The following CNKSR2 variants were observed in gnomAD, a reference collection of about 807,000 sequenced individuals.
CNKSR2 encodes the protein CNK homolog protein 2.
A neutral mutation model predicts 84.4 loss-of-function variants in CNKSR2; 14 were observed. The observed-to-expected ratio is 0.17, with a 90% CI of 0.11 to 0.26. The LOEUF (loss-of-function observed/expected upper bound fraction) is 0.26, where lower values mean the gene tolerates loss of function less well. Ranked by LOEUF, CNKSR2 falls within the 10% of genes least tolerant of loss-of-function variation. The probability of loss-of-function intolerance (pLI) is 1.00; values close to 1 mark genes in which losing one functional copy is unlikely to be tolerated. For synonymous variants in CNKSR2, 275 were observed against 277.9 expected, an observed-to-expected ratio of 0.99 and a Z score of 0.10; for missense variants, 485 against 771.2, an observed-to-expected ratio of 0.63 and a Z score of 4.40.
intron 4 of CNKSR2, among the ~76,000 whole-genome samples, chrX:21,459,135 G>A (rs2091029914): frequency 9.6e-6 from 1 of 104,574 alleles, no homozygotes; most frequent in African/African-American, 3.5e-5. Flanking sequence ...TGATTCTCCT[G>A]CCTCAGCCTC....
chrX:21,502,288 A>G (rs1485537066), intron 8 of CNKSR2, among the ~76,000 whole-genome samples: 1 of 103,530 alleles, frequency 9.7e-6, no homozygotes, highest in Admixed American at 1.0e-4. Context: ...ACTTAGGTTT[A>G]GAAAATGAAC....
chrX:21,399,617 C>T (rs941192377), intron 1 of CNKSR2, among the ~76,000 whole-genome samples: 7 of 111,683 alleles, frequency 6.3e-5, no homozygotes, highest in African/African-American at 2.3e-4. Flanking sequence ...TAGGATAGTG[C>T]AGTTATTCTT....
chrX:21,525,089 T>C (rs2091822182), intron 9 of CNKSR2, among the ~76,000 whole-genome samples: 1 of 111,368 alleles, frequency 9.0e-6, no homozygotes, highest in South Asian at 3.7e-4. Flanking sequence ...AGGAAAACAG[T>C]TATAAACAGA....
At chrX:21,516,345 A>G in intron 8 of CNKSR2, 140 bp from the exon 9 acceptor site, 1 of 563,465 alleles carries the variant, frequency 1.8e-6, no homozygotes, top group Admixed American at 3.3e-5. Flanking sequence ...AAATTTATTG[A>G]GTATGTATCT....
chrX:21,624,410 T>C (rs1047342866), intron 20 of CNKSR2, among the ~76,000 whole-genome samples: 2 of 112,071 alleles, frequency 1.8e-5, no homozygotes, highest in African/African-American at 6.5e-5. Context: ...GATGAGAATT[T>C]TGCCTACAAA....
chrX:21,570,526 A>G (rs1363471986), intron 13 of CNKSR2, among the ~76,000 whole-genome samples: 2 of 111,464 alleles, frequency 1.8e-5, no homozygotes, highest in East Asian at 5.7e-4. Context: ...CCCTATCAGC[A>G]ATAAGGCTGT....
intron 20 of CNKSR2, chrX:21,637,564 A>G (rs2092677695): frequency 9.0e-6 from 1 of 111,505 alleles, no homozygotes; most frequent in Non-Finnish European, 1.9e-5. Context: ...AAAATCTTTA[A>G]TATCCAGTCT....
At chrX:21,627,825 A>G (rs1216823606) in intron 20 of CNKSR2, among the ~76,000 whole-genome samples, 2 of 110,968 alleles carry the variant, frequency 1.8e-5, no homozygotes, top group East Asian at 2.9e-4. Flanking sequence ...GACACAAAAC[A>G]TATTATTCCA....
chrX:21,560,472 A>G (rs1052443605), intron 11 of CNKSR2, among the ~76,000 whole-genome samples: 1 of 111,318 alleles, frequency 9.0e-6, no homozygotes, highest in African/African-American at 3.3e-5. Flanking sequence ...GGAGTAAACA[A>G]TTTAATACTT....
At chrX:21,467,755 C>T (rs897280532) in intron 4 of CNKSR2, among the ~76,000 whole-genome samples, 5 of 110,412 alleles carry the variant, frequency 4.5e-5, no homozygotes, top group Non-Finnish European at 9.5e-5. Flanking sequence ...CCTCAATCAC[C>T]TCATATATCT....
At chrX:21,433,439 TATC>T (rs1371421652) in intron 3 of CNKSR2, among the ~76,000 whole-genome samples, 3 of 111,680 alleles carry the variant, frequency 2.7e-5, no homozygotes, top group Non-Finnish European at 3.8e-5. Flanking sequence ...GGTTAAACAT[TATC>T]ATGATAAAAC....
intron 1 of CNKSR2, among the ~76,000 whole-genome samples, chrX:21,419,190 A>G (rs2090461606): frequency 9.1e-6 from 1 of 109,842 alleles, no homozygotes; most frequent in East Asian, 2.9e-4. Flanking sequence ...ACTCTGATGC[A>G]TTTTTCAGTA....
intron 4 of CNKSR2, among the ~76,000 whole-genome samples, chrX:21,448,844 C>T (rs2090889194): frequency 9.0e-6 from 1 of 111,612 alleles, no homozygotes; most frequent in African/African-American, 3.3e-5. Context: ...GTCAGAATGA[C>T]CACCAACATC....
intron 20 of CNKSR2, chrX:21,637,130 G>A (rs1295597618): frequency 8.9e-6 from 1 of 111,765 alleles, no homozygotes; most frequent in Non-Finnish European, 1.9e-5. Flanking sequence ...GCAGATTTTA[G>A]AAAGTCAGCA....
chrX:21,461,317 C>G (rs889378079), intron 4 of CNKSR2, among the ~76,000 whole-genome samples: 2 of 112,204 alleles, frequency 1.8e-5, no homozygotes, highest in African/African-American at 6.5e-5. Flanking sequence ...GCCTGATGGC[C>G]ATTTGTATGT....
chrX:21,533,133 CT>C (rs1332991713), intron 11 of CNKSR2, among the ~76,000 whole-genome samples: 1 of 110,868 alleles, frequency 9.0e-6, no homozygotes, highest in Non-Finnish European at 1.9e-5. Flanking sequence ...TGTACATGTG[CT>C]TTTTAATCAT....
At chrX:21,504,917 T>C (rs2091596983) in intron 8 of CNKSR2, 1 of 286,832 alleles carries the variant, frequency 3.5e-6, no homozygotes, top group Non-Finnish European at 6.1e-6. Flanking sequence ...TTCCCCACCA[T>C]TGAAGATCCA....
intron 2 of CNKSR2, among the ~76,000 whole-genome samples, chrX:21,431,158 C>T (rs2090629235): frequency 1.8e-5 from 2 of 111,419 alleles, no homozygotes; most frequent in African/African-American, 3.3e-5. Context: ...TAAGTTTTCT[C>T]TTGTCTTAAA....
At chrX:21,587,385 A>G (rs1475323850) in intron 13 of CNKSR2, among the ~76,000 whole-genome samples, 2 of 111,855 alleles carry the variant, frequency 1.8e-5, no homozygotes, top group Non-Finnish European at 3.8e-5. Flanking sequence ...ATCTGAAGCT[A>G]ATATGAAATA....
Sources: gnomAD v4.1 joint callset for allele counts (sites outside exome capture counted in the v4.1 genomes callset) on GRCh38, gnomAD v4.1.1 for gene constraint, MANE v1.5 for transcripts, NCBI Gene and HGNC (gene_info 2026-07-23, HGNC 2026-07-21) for gene names.